The following TMCC1 variants were observed in gnomAD, a reference collection of about 807,000 sequenced individuals.
TMCC1 encodes transmembrane and coiled-coil domain family 1.
TMCC1 carries 15 observed loss-of-function variants against 52.4 expected under a neutral mutation model. The ratio of observed to expected loss-of-function variants is 0.29; its 90% CI spans 0.19 to 0.44. The LOEUF is 0.44. Among genes scored for constraint, TMCC1 ranks in the 20% least tolerant of loss-of-function variants. The pLI is 1.00. For missense variants in TMCC1, 503 were observed against 806.0 expected (o/e 0.62, Z 4.55); for synonymous variants, 279 against 301.9 (o/e 0.92, Z 0.79).
chr3:129,688,221 G>T, intron 4 of TMCC1: 8 of 985,188 alleles, frequency 8.1e-6, no homozygotes, highest in Non-Finnish European at 8.4e-6. Flanking sequence ...TTGCCACAAA[G>T]CTCATCCTTC....
intron 4 of TMCC1, among the ~76,000 whole-genome samples, chr3:129,686,326 T>A (rs909829320): frequency 6.6e-6 from 1 of 152,122 alleles, no homozygotes; most frequent in Non-Finnish European, 1.5e-5. Context: ...GGTCTCGAAC[T>A]CCCAATCTCA....
chr3:129,774,440 T>C (rs1162908140), intron 4 of TMCC1, among the ~76,000 whole-genome samples: 2 of 152,338 alleles, frequency 1.3e-5, no homozygotes, highest in African/African-American at 4.8e-5. Flanking sequence ...AAATGTATGT[T>C]AAGAATCTAG....
At chr3:129,848,753 A>G (rs529264451) in intron 2 of TMCC1, among the ~76,000 whole-genome samples, 1 of 152,272 alleles carries the variant, frequency 6.6e-6, no homozygotes, top group East Asian at 1.9e-4. Flanking sequence ...TAATCTGACT[A>G]TGTTTCTCTA....
At chr3:129,838,779 A>G (rs1271750328) in intron 2 of TMCC1, among the ~76,000 whole-genome samples, 1 of 134,996 alleles carries the variant, frequency 7.4e-6, no homozygotes, top group Admixed American at 7.5e-5. Flanking sequence ...AAAAAAAAAA[A>G]GGATATCTAG....
chr3:129,658,311 T>A (rs1325900202), intron 5 of TMCC1, among the ~76,000 whole-genome samples: 2 of 152,226 alleles, frequency 1.3e-5, no homozygotes, highest in African/African-American at 4.8e-5. Flanking sequence ...CAGAAACAGT[T>A]CACAGGAGCA....
chr3:129,872,110 C>T (rs2060959098), intron 2 of TMCC1, among the ~76,000 whole-genome samples: 1 of 152,186 alleles, frequency 6.6e-6, no homozygotes, highest in Non-Finnish European at 1.5e-5. Context: ...ATTCACGCAG[C>T]ATTATTTGTA....
intron 4 of TMCC1, among the ~76,000 whole-genome samples, chr3:129,676,166 AG>A (rs2088429117): frequency 6.6e-6 from 1 of 152,210 alleles, no homozygotes; most frequent in South Asian, 2.1e-4. Context: ...GCTACTCAAC[AG>A]GGTGTCTTTT....
At chr3:129,823,993 C>A (rs2058545778) in intron 4 of TMCC1, among the ~76,000 whole-genome samples, 1 of 152,126 alleles carries the variant, frequency 6.6e-6, no homozygotes, top group East Asian at 1.9e-4. Context: ...GAGCCTTCAT[C>A]ATAAAAGGCT....
chr3:129,758,674 A>G (rs2053229798), intron 4 of TMCC1, among the ~76,000 whole-genome samples: 1 of 152,170 alleles, frequency 6.6e-6, no homozygotes, highest in South Asian at 2.1e-4. Flanking sequence ...TTTTTGTATA[A>G]GTGCTTTTTG....
intron 4 of TMCC1, among the ~76,000 whole-genome samples, chr3:129,675,182 T>C (rs778223004): frequency 2.0e-5 from 3 of 152,186 alleles, no homozygotes; most frequent in South Asian, 2.1e-4. Context: ...AAATCCCAAA[T>C]GTAAAAGGCA....
intron 4 of TMCC1, among the ~76,000 whole-genome samples, chr3:129,775,651 A>G (rs1031810285): frequency 1.3e-5 from 2 of 152,196 alleles, no homozygotes; most frequent in Admixed American, 6.5e-5. Flanking sequence ...AATATCTAAG[A>G]AAAGCTGTCA....
chr3:129,679,678 T>C (rs1443009090), intron 4 of TMCC1, among the ~76,000 whole-genome samples: 2 of 152,204 alleles, frequency 1.3e-5, no homozygotes. Flanking sequence ...TTTTTCTACA[T>C]AGAACTCTTT....
In TMCC1 at chr3:129,677,563, TAAAACAG is replaced by T. The variant is rs556920817; in HGVS notation, c.577-6306_577-6300del. On this transcript the variant is annotated intron_variant, in intron 4 of 6. Coordinates refer to ENST00000393238, the MANE Select transcript of TMCC1 (RefSeq NM_001017395.5). ...AAATACTTCAATGATACAGTGTCATTAAAACAGAATATTTCTCAGCCTTAGCTTAATT... is the reference window on the plus strand; with the variant it reads ...AAATACTTCAATGATACAGTGTCATTAATATTTCTCAGCCTTAGCTTAATT... Among the ~76,000 whole-genome samples, 75 of 152,348 alleles carry T rather than the reference TAAAACAG, an allele frequency of 4.9e-4. No individual in the cohort carries two copies. In the East Asian group the frequency reaches 0.012, roughly 24 times the overall value.
intron 3 of TMCC1, among the ~76,000 whole-genome samples, chr3:129,829,098 G>A (rs1430547257): frequency 6.6e-6 from 1 of 152,176 alleles, no homozygotes; most frequent in African/African-American, 2.4e-5. Context: ...AGAAGAGAAT[G>A]GAAATAAAAA....
intron 4 of TMCC1, among the ~76,000 whole-genome samples, chr3:129,727,822 C>CT (rs1229515328): frequency 6.6e-6 from 1 of 152,194 alleles, no homozygotes; most frequent in Non-Finnish European, 1.5e-5. Flanking sequence ...CTGTGACTAG[C>CT]TATAGCAAAT....
intron 4 of TMCC1, among the ~76,000 whole-genome samples, chr3:129,787,750 A>G (rs2056143958): frequency 6.6e-6 from 1 of 152,228 alleles, no homozygotes; most frequent in African/African-American, 2.4e-5. Context: ...TAAAGTGTTA[A>G]TGATTCTATA....
intron 4 of TMCC1, among the ~76,000 whole-genome samples, chr3:129,685,048 C>A (rs1434037538): frequency 1.3e-5 from 2 of 152,060 alleles, no homozygotes; most frequent in Non-Finnish European, 2.9e-5. Context: ...CAGCAAAGTA[C>A]TCTTTGAACA....
intron 4 of TMCC1, among the ~76,000 whole-genome samples, chr3:129,704,866 C>T (rs1371283740): frequency 6.6e-6 from 1 of 152,186 alleles, no homozygotes; most frequent in Non-Finnish European, 1.5e-5. Flanking sequence ...TTCACTGTCA[C>T]AAGTTGGAGC....
At chr3:129,780,463 C>T (rs1034211809) in intron 4 of TMCC1, among the ~76,000 whole-genome samples, 3 of 152,052 alleles carry the variant, frequency 2.0e-5, no homozygotes, top group Admixed American at 6.6e-5. Flanking sequence ...TCCACCCATC[C>T]GTTTTTCCAC....
Sources: gnomAD v4.1 joint callset for allele counts (sites outside exome capture counted in the v4.1 genomes callset) on GRCh38, gnomAD v4.1.1 for gene constraint, MANE v1.5 for transcripts, NCBI Gene and HGNC (gene_info 2026-07-23, HGNC 2026-07-21) for gene names.